PLD5: variants seen among roughly 807,000 people sequenced by gnomAD.
PLD5 encodes phospholipase D family member 5, also known as inactive phospholipase D5.
In PLD5, 36 loss-of-function variants were observed where a neutral mutation model predicts 61.1. The observed-to-expected ratio is 0.59, with a 90% CI of 0.45 to 0.78. The LOEUF (loss-of-function observed/expected upper bound fraction) is 0.78. Among genes scored for constraint, PLD5 ranks in the 30% least tolerant of loss-of-function variants. PLD5 has a pLI of 0.00. For synonymous variants in PLD5, 243 were observed against 242.8 expected (o/e 1.00, Z -0.01); for missense variants, 515 against 644.4 (o/e 0.80, Z 2.17).
intron 4 of PLD5, among the ~76,000 whole-genome samples, chr1:242,250,803 C>T (rs1406637152): frequency 6.6e-6 from 1 of 152,016 alleles, no homozygotes; most frequent in African/African-American, 2.4e-5. Flanking sequence ...ACATTGGAGT[C>T]AGGAAAAACT....
At chr1:242,237,191 A>G (rs138790553) in intron 4 of PLD5, among the ~76,000 whole-genome samples, 53 of 152,258 alleles carry the variant, frequency 3.5e-4, no homozygotes, top group African/African-American at 1.3e-3. Flanking sequence ...ATAAGTTACC[A>G]AATTCCATGA....
intron 5 of PLD5, among the ~76,000 whole-genome samples, chr1:242,219,067 T>C (rs10926654): frequency 0.3 from 46,201 of 152,044 alleles, 7,307 homozygotes; most frequent in East Asian, 0.53. Context: ...GCTGATAACA[T>C]AGGTTTAACT....
At chr1:242,476,988 G>A (rs1033325218) in intron 1 of PLD5, among the ~76,000 whole-genome samples, 7 of 152,178 alleles carry the variant, frequency 4.6e-5, no homozygotes, top group Non-Finnish European at 7.3e-5. Context: ...GGTGGCTCAC[G>A]CCTATAATCC....
At chr1:242,303,595 A>G (rs1476428817) in intron 2 of PLD5, among the ~76,000 whole-genome samples, 1 of 152,218 alleles carries the variant, frequency 6.6e-6, no homozygotes, top group Non-Finnish European at 1.5e-5. Context: ...CCTTGGATTT[A>G]TTTATTTTAA....
At chr1:242,286,854 A>G (rs1422581536) in intron 3 of PLD5, among the ~76,000 whole-genome samples, 2 of 152,196 alleles carry the variant, frequency 1.3e-5, no homozygotes, top group East Asian at 3.8e-4. Flanking sequence ...GCTTCCTTCC[A>G]GAGCCCTTGA....
intron 2 of PLD5, among the ~76,000 whole-genome samples, chr1:242,313,685 T>C (rs3863745): frequency 0.31 from 47,725 of 152,182 alleles, 8,864 homozygotes; most frequent in African/African-American, 0.51. Flanking sequence ...GGTCAAATGC[T>C]GAGCCTAGTT....
Position 242,323,137 on chromosome 1 carries a change from G to A in PLD5, c.326+24969C>T, listed in dbSNP as rs1437814832. ...CATAAATCTTCACGAAAAAAGAAAT[G>A]CTTTATTCTTTAATTAAAAGAAAAC... On this transcript the variant is annotated intron_variant, in intron 2 of 9. Transcript: ENST00000536534. 2.6e-5 allele frequency among the ~76,000 whole-genome samples: 4 copies of A among 151,992 alleles called. No homozygotes were observed. The East Asian group carries it at 7.7e-4, about 29-fold the overall frequency.
intron 2 of PLD5, among the ~76,000 whole-genome samples, chr1:242,342,510 G>A (rs112387919): frequency 0.031 from 4,758 of 152,216 alleles, 231 homozygotes; most frequent in African/African-American, 0.1. Flanking sequence ...GGGCACTAGC[G>A]AATTGCAAAA....
intron 3 of PLD5, among the ~76,000 whole-genome samples, chr1:242,280,007 C>G (rs1426811765): frequency 6.6e-6 from 1 of 151,546 alleles, no homozygotes; most frequent in Non-Finnish European, 1.5e-5. Flanking sequence ...TGTCCTGCAT[C>G]AAAACAACAA....
intron 1 of PLD5, among the ~76,000 whole-genome samples, chr1:242,394,918 A>ATATATG (rs1558527653): frequency 1.7e-5 from 2 of 116,772 alleles, no homozygotes; most frequent in East Asian, 2.9e-4. Context: ...ATATATATGT[A>ATATATG]TATATGTATA....
chr1:242,110,932 AG>A (rs1479054875), intron 7 of PLD5, among the ~76,000 whole-genome samples: 1 of 152,252 alleles, frequency 6.6e-6, no homozygotes, highest in Non-Finnish European at 1.5e-5. Flanking sequence ...TCCTTGTGAA[AG>A]ATATATTTTA....
At chr1:242,180,608 A>G (rs1667457600) in intron 5 of PLD5, among the ~76,000 whole-genome samples, 1 of 152,200 alleles carries the variant, frequency 6.6e-6, no homozygotes. Flanking sequence ...TGTCCATAGG[A>G]ATCACCTGGA....
chr1:242,509,409 T>C (rs1361269498), intron 1 of PLD5, among the ~76,000 whole-genome samples: 1 of 152,144 alleles, frequency 6.6e-6, no homozygotes, highest in African/African-American at 2.4e-5. Flanking sequence ...AGAGGGTAAA[T>C]GCCTGCCTCC....
intron 1 of PLD5, among the ~76,000 whole-genome samples, chr1:242,517,760 A>G (rs948417932): frequency 5.3e-5 from 8 of 152,220 alleles, no homozygotes; most frequent in African/African-American, 1.9e-4. Context: ...TGTATTTAAT[A>G]ACATTGTTAA....
intron 1 of PLD5, among the ~76,000 whole-genome samples, chr1:242,394,092 G>GAGTATATATATGAGTATATATATGAGTA (rs200671187): frequency 1.2e-5 from 1 of 80,280 alleles, no homozygotes; most frequent in Non-Finnish European, 2.8e-5. Context: ...GTATATATAT[G>GAGTATATATATGAGTATATATATGAGTA]TATATATGTG....
intron 1 of PLD5, among the ~76,000 whole-genome samples, chr1:242,391,178 G>C (rs564821755): frequency 1.6e-4 from 24 of 152,280 alleles, no homozygotes; most frequent in African/African-American, 5.8e-4. Flanking sequence ...CTGGGTGAGA[G>C]AGCGAGACTC....
chr1:242,524,359 G>A lies in PLD5; in HGVS notation c.-83C>T. 1.6e-5 allele frequency: 20 copies of A among 1,267,238 alleles called. No homozygotes were observed. Among genetic ancestry groups the A allele is most frequent in the Non-Finnish European group, 1.9e-5 (19 of 986,598 alleles). The allele number at this position is 1,267,238 out of a possible 1,614,324, so 78.5% of individuals were successfully genotyped here. ...GCCGGGCGCGGAGGGCGAGCGGGAG[G>A]CCCAGCGGGAGCCGGAGGTGGAGCT... On this transcript the variant is annotated 5_prime_UTR_variant, in exon 1 of 10. Coordinates refer to ENST00000536534, the MANE Select transcript of PLD5 (RefSeq NM_001372062.1).
chr1:242,367,525 G>A (rs893708674), intron 1 of PLD5, among the ~76,000 whole-genome samples: 1 of 152,112 alleles, frequency 6.6e-6, no homozygotes, highest in Admixed American at 6.6e-5. Flanking sequence ...CAGAGAGTGA[G>A]AACTCCCAGA....
intron 1 of PLD5, among the ~76,000 whole-genome samples, chr1:242,388,886 T>C (rs12089413): frequency 0.016 from 2,478 of 151,810 alleles, 76 homozygotes; most frequent in African/African-American, 0.057. Flanking sequence ...ACCCGGGAGG[T>C]GGAGGTTGCA....
Sources: allele counts gnomAD v4.1 joint callset (sites outside exome capture counted in the v4.1 genomes callset), GRCh38; gene constraint gnomAD v4.1.1; transcripts MANE v1.5; gene names NCBI Gene and HGNC (gene_info 2026-07-23, HGNC 2026-07-21).